The following LRRC7 variants were observed in gnomAD, a reference collection of about 807,000 sequenced individuals.
LRRC7 encodes the protein leucine-rich repeat-containing protein 7.
In LRRC7, 23 loss-of-function variants were observed where a neutral mutation model predicts 175.7. The observed-to-expected ratio is 0.13, with a 90% CI of 0.09 to 0.19. LRRC7 has a LOEUF of 0.19. LRRC7 is among the 10% of genes least tolerant of loss of function. The probability of loss-of-function intolerance (pLI) is 1.00; values close to 1 mark genes in which losing one functional copy is unlikely to be tolerated. For missense variants in LRRC7, 1,354 were observed against 1,904.7 expected, an observed-to-expected ratio of 0.71 and a Z score of 5.38; for synonymous variants, 685 against 680.9, an observed-to-expected ratio of 1.01 and a Z score of -0.09.
chr1:70,018,775 A>G lies in LRRC7; in HGVS notation c.1377A>G (p.Val459=), dbSNP rs371728176. 10 of 1,612,888 alleles carry G rather than the reference A, an allele frequency of 6.2e-6. No individual in the cohort carries two copies. The highest frequency in any genetic ancestry group is 8.5e-6 in the Non-Finnish European group (10 of 1,179,134). ...CCCATCCAGAAACAAAGCAAAGAGTATTGACTAACTACATGTTTCCCCAGC... is the reference window on the plus strand; with the variant it reads ...CCCATCCAGAAACAAAGCAAAGAGTGTTGACTAACTACATGTTTCCCCAGC... The part of the protein sequence containing the change: ...TEAHPETKQR[V]LTNYMFPQQP... The change falls in exon 15 of 27, where the codon GTA becomes GTG. Residue 459 remains valine (V), a synonymous_variant. Transcript: ENST00000651989.
chr1:69,712,553 C>T (rs1481814309), intron 2 of LRRC7, among the ~76,000 whole-genome samples: 3 of 152,074 alleles, frequency 2.0e-5, no homozygotes, highest in Non-Finnish European at 4.4e-5. Context: ...TGCAGTGAGC[C>T]AAGATTGCGC....
At position 69,648,080 on chromosome 1, in the gene LRRC7, T is replaced by C. The variant is rs535131828; in HGVS notation, c.3-30301T>C. 9.2e-5 allele frequency among the ~76,000 whole-genome samples: 14 copies of C among 152,298 alleles called. 1 individual carries two copies. The South Asian group carries it at 1.0e-3, about 11-fold the overall frequency. On this transcript the variant is annotated intron_variant, in intron 1 of 26. Transcript: ENST00000651989. ...TTCAATAATTTTAATGATTCAATTTTAATGATTCAACCAGAATACTAGGTT... is the reference window on the plus strand; with the variant it reads ...TTCAATAATTTTAATGATTCAATTTCAATGATTCAACCAGAATACTAGGTT...
chr1:70,002,766 G>T (rs757105763), intron 11 of LRRC7, among the ~76,000 whole-genome samples: 3 of 151,902 alleles, frequency 2.0e-5, no homozygotes, highest in Non-Finnish European at 4.4e-5. Context: ...AATTGTTGTG[G>T]CACTTAGAAC....
intron 7 of LRRC7, among the ~76,000 whole-genome samples, chr1:69,856,196 A>C (rs1320647735): frequency 6.6e-6 from 1 of 152,190 alleles, no homozygotes; most frequent in African/African-American, 2.4e-5. Flanking sequence ...TTTGCTTATT[A>C]GTTGATGCAG....
rs144165539 is a variant in LRRC7, at chr1:70,110,711, T to G, written c.4620+2885T>G. On this transcript the variant is annotated intron_variant, in intron 26 of 26. Transcript: ENST00000651989. The stretch of plus-strand genomic sequence containing the variant: ...AGTCCAATAAAATCAAAGCCCATTT[T>G]CAATAAAGGAAAAAGTACATGGACT... Among the ~76,000 whole-genome samples the G allele has an allele frequency of 3.2e-3, 486 of 152,238 alleles. 14 individuals are homozygous for G. Among genetic ancestry groups the G allele is most frequent in the Admixed American group, 0.026 (397 of 15,300 alleles).
intron 1 of LRRC7, among the ~76,000 whole-genome samples, chr1:69,596,991 TATTA>T (rs775294442): frequency 4.6e-5 from 7 of 152,242 alleles, no homozygotes; most frequent in South Asian, 4.1e-4. Flanking sequence ...TAACTTCAGA[TATTA>T]ATTCAAATTT....
chr1:69,835,550 A>G (rs1681008537), intron 6 of LRRC7, among the ~76,000 whole-genome samples: 1 of 152,134 alleles, frequency 6.6e-6, no homozygotes, highest in African/African-American at 2.4e-5. Context: ...TTTTTAGAGT[A>G]TAAGAACAGA....
chr1:69,781,839 A>AAGGAAGGAAGGG (rs1673721930), intron 3 of LRRC7, among the ~76,000 whole-genome samples: 4 of 85,064 alleles, frequency 4.7e-5, no homozygotes, highest in African/African-American at 2.0e-4. Context: ...GGAAGGAAGG[A>AAGGAAGGAAGGG]AGGAAGGGAG....
intron 8 of LRRC7, among the ~76,000 whole-genome samples, chr1:69,936,849 C>G (rs1648088683): frequency 6.6e-6 from 1 of 152,028 alleles, no homozygotes; most frequent in Non-Finnish European, 1.5e-5. Flanking sequence ...CATTAATTTG[C>G]TTGAGTTAAT....
In LRRC7 at chr1:69,618,650, C is replaced by T. The variant is rs565768217; in HGVS notation, c.2+50009C>T. Reference sequence around the variant, plus strand: ...GATTTATGAACTTCTTCTTCCCTATCATTTCTGCTAATGAAACCTGCCAAT... The same window carrying T: ...GATTTATGAACTTCTTCTTCCCTATTATTTCTGCTAATGAAACCTGCCAAT... On this transcript the variant is annotated intron_variant, in intron 1 of 26. Transcript: ENST00000651989. Among the ~76,000 whole-genome samples, 4 of 152,248 alleles carry T rather than the reference C, an allele frequency of 2.6e-5. No individual in the cohort carries two copies. The South Asian group carries it at 8.3e-4, about 32-fold the overall frequency.
intron 1 of LRRC7, among the ~76,000 whole-genome samples, chr1:69,667,430 G>T (rs1796968): frequency 0.67 from 101,562 of 151,888 alleles, 34,398 homozygotes; most frequent in African/African-American, 0.76. Context: ...TTATTGTGTT[G>T]GGTTCTATCT....
rs995084941 is a variant in LRRC7 at position 69,568,132 on chromosome 1, G to A, written c.-508G>A. Among the ~76,000 whole-genome samples, 1 of 152,166 alleles carries A rather than the reference G, an allele frequency of 6.6e-6. No homozygotes were observed. Among genetic ancestry groups the A allele is most frequent in the African/African-American group, 2.4e-5 (1 of 41,442 alleles). On this transcript the variant is annotated 5_prime_UTR_variant, in exon 1 of 27. Transcript: ENST00000651989. ...ACGCCCGCTGCGCCCTGGCCCCTGG[G>A]GATCCTCGCCCTGCACAGGCGCGGC...
chr1:69,774,260 A>T (rs1213410835), intron 3 of LRRC7, among the ~76,000 whole-genome samples: 1 of 152,218 alleles, frequency 6.6e-6, no homozygotes, highest in Admixed American at 6.5e-5. Flanking sequence ...CTAGAATAAA[A>T]TGTAGACCTA....
chr1:69,966,066 GAAATAA>G (rs1411529108), intron 8 of LRRC7, among the ~76,000 whole-genome samples: 1 of 151,878 alleles, frequency 6.6e-6, no homozygotes, highest in Non-Finnish European at 1.5e-5. Context: ...AAATTAAAAA[GAAATAA>G]AAAGTTATAC....
chr1:69,899,065 G>C (rs1329353084), intron 7 of LRRC7, among the ~76,000 whole-genome samples: 1 of 152,164 alleles, frequency 6.6e-6, no homozygotes, highest in Admixed American at 6.6e-5. Flanking sequence ...TTGGCTATTG[G>C]AGATTTTAGT....
chr1:69,673,854 C>G (rs1031018704), intron 1 of LRRC7, among the ~76,000 whole-genome samples: 1 of 151,978 alleles, frequency 6.6e-6, no homozygotes, highest in Non-Finnish European at 1.5e-5. Flanking sequence ...CCCCAGTTAT[C>G]TTTTTGGCAG....
chr1:69,957,182 A>G (rs12038059), intron 8 of LRRC7, among the ~76,000 whole-genome samples: 1 of 151,802 alleles, frequency 6.6e-6, no homozygotes, highest in Non-Finnish European at 1.5e-5. Flanking sequence ...TTAGCATTTT[A>G]TATCTACCAC....
intron 4 of LRRC7, among the ~76,000 whole-genome samples, chr1:69,795,310 G>A (rs1285049442): frequency 1.3e-5 from 2 of 151,904 alleles, no homozygotes; most frequent in Non-Finnish European, 2.9e-5. Flanking sequence ...AACCTGGGAG[G>A]CGGAGGTTGC....
intron 7 of LRRC7, among the ~76,000 whole-genome samples, chr1:69,864,420 A>G (rs1373066430): frequency 6.6e-6 from 1 of 152,240 alleles, no homozygotes; most frequent in Admixed American, 6.5e-5. Context: ...TCAACAACAC[A>G]GCTTCAAACA....
Sources: allele counts gnomAD v4.1 joint callset (sites outside exome capture counted in the v4.1 genomes callset), GRCh38; gene constraint gnomAD v4.1.1; transcripts MANE v1.5; gene names NCBI Gene and HGNC (gene_info 2026-07-23, HGNC 2026-07-21).